ARFGAP3: variants seen among roughly 807,000 people sequenced by gnomAD.
ARFGAP3 encodes ADP-ribosylation factor GTPase-activating protein 3.
Under a neutral mutation model 75.0 loss-of-function variants are expected in ARFGAP3, and 72 were observed. The ratio of observed to expected loss-of-function variants is 0.96; its 90% confidence interval spans 0.79 to 1.17. The LOEUF (loss-of-function observed/expected upper bound fraction) is 1.17. Among genes scored for constraint, ARFGAP3 ranks in the 50% most tolerant of loss-of-function variants. The pLI, the probability that ARFGAP3 is intolerant of heterozygous loss-of-function variation, is 0.00. For synonymous variants in ARFGAP3, 221 were observed against 217.9 expected, an observed-to-expected ratio of 1.01 and a Z score of -0.13; for missense variants, 620 against 626.6, an observed-to-expected ratio of 0.99 and a Z score of 0.11.
chr22:42,826,541 A>G (rs576359471), intron 7 of ARFGAP3, among the ~76,000 whole-genome samples: 1 of 152,000 alleles, frequency 6.6e-6, no homozygotes, highest in South Asian at 2.1e-4. Context: ...CACCACACTC[A>G]GGTAATTTTT....
intron 1 of ARFGAP3, among the ~76,000 whole-genome samples, chr22:42,856,705 G>A (rs1241793743): frequency 6.6e-6 from 1 of 152,154 alleles, no homozygotes; most frequent in Non-Finnish European, 1.5e-5. Context: ...CCAGGGTGGC[G>A]CTGGGGGAGC....
At chr22:42,848,355 C>T (rs897705248) in intron 1 of ARFGAP3, among the ~76,000 whole-genome samples, 1 of 152,132 alleles carries the variant, frequency 6.6e-6, no homozygotes, top group African/African-American at 2.4e-5. Context: ...ACTACAGGCG[C>T]CCGCCACCGC....
intron 7 of ARFGAP3, among the ~76,000 whole-genome samples, chr22:42,825,023 T>C (rs1925977566): frequency 6.6e-6 from 1 of 152,254 alleles, no homozygotes; most frequent in Non-Finnish European, 1.5e-5. Context: ...TGTTCTTTTT[T>C]ACGGCTGCAT....
At chr22:42,842,952 T>A (rs943594488) in intron 2 of ARFGAP3, among the ~76,000 whole-genome samples, 1 of 152,070 alleles carries the variant, frequency 6.6e-6, no homozygotes, top group African/African-American at 2.4e-5. Context: ...GCTCTCTTGC[T>A]CGCTCCTGCC....
At chr22:42,835,568 T>A in intron 3 of ARFGAP3, 75 bp from the exon 4 acceptor site, 2 of 1,557,724 alleles carry the variant, frequency 1.3e-6, no homozygotes, top group Non-Finnish European at 1.7e-6. Flanking sequence ...ATGCCTGTAA[T>A]CCCAGCACTC....
At chr22:42,823,504 CATTAATCTCTT>C in intron 8 of ARFGAP3, 141 bp downstream of exon 8, 1 of 376,236 alleles carries the variant, frequency 2.7e-6, no homozygotes, top group Non-Finnish European at 4.9e-6. Context: ...ATCTCTTTGA[CATTAATCTCTT>C]TGAACAAAAC....
rs141543318 is a variant in ARFGAP3 at position 42,828,481 on chromosome 22, G to T, written c.566-1482C>A. Among the ~76,000 whole-genome samples the T allele has an allele frequency of 2.0e-5, 3 of 151,650 alleles. No homozygotes were observed. The East Asian group carries it at 5.9e-4, about 30-fold the overall frequency. On this transcript the variant is annotated intron_variant, in intron 6 of 15. Transcript: ENST00000263245. ...TGAGACAGGAGAATCGCTTGAACCCGGGATGCAGAGGTTGTGGTGACCTGA... is the reference window on the plus strand; with the variant it reads ...TGAGACAGGAGAATCGCTTGAACCCTGGATGCAGAGGTTGTGGTGACCTGA...
Position 42,834,258 on chromosome 22 carries a change from G to C in ARFGAP3, c.461C>G (p.Ser154Cys), listed in dbSNP as rs1368676781. 1 of 1,613,876 alleles carries C rather than the reference G, an allele frequency of 6.2e-7. No homozygotes were observed. Among genetic ancestry groups the C allele is most frequent in the Non-Finnish European group, 8.5e-7 (1 of 1,179,958 alleles). ...PPPKEEDFFA[S>C]HVSPEVSDTA... ...AATACATACCTCAGGAGAAACGTGA[G>C]AGGCAAAAAAATCTTCCTCCTTTGG... is the stretch of plus-strand genomic sequence containing the variant. Residue 154 changes from serine (S) to cysteine (C), a missense_variant, in exon 5 of 16, where the codon TCT becomes TGT. Transcript: ENST00000263245.
intron 1 of ARFGAP3, among the ~76,000 whole-genome samples, chr22:42,848,353 C>T (rs1348881233): frequency 6.6e-6 from 1 of 152,102 alleles, no homozygotes; most frequent in African/African-American, 2.4e-5. Context: ...GGACTACAGG[C>T]GCCCGCCACC....
At chr22:42,808,259 G>A (rs934033342) in intron 13 of ARFGAP3, among the ~76,000 whole-genome samples, 1 of 151,870 alleles carries the variant, frequency 6.6e-6, no homozygotes, top group African/African-American at 2.4e-5. Flanking sequence ...TTAGCCAGGT[G>A]TAGTGGTGCA....
intron 1 of ARFGAP3, among the ~76,000 whole-genome samples, chr22:42,856,706 C>A (rs1370730298): frequency 6.6e-6 from 1 of 152,168 alleles, no homozygotes; most frequent in Non-Finnish European, 1.5e-5. Context: ...CAGGGTGGCG[C>A]TGGGGGAGCC....
At chr22:42,829,461 A>T (rs1461475010) in intron 6 of ARFGAP3, among the ~76,000 whole-genome samples, 2 of 152,346 alleles carry the variant, frequency 1.3e-5, no homozygotes, top group South Asian at 2.1e-4. Context: ...TGTAAGGCTA[A>T]GAAATCAAAA....
At chr22:42,857,072 G>T in intron 1 of ARFGAP3, 42 bp downstream of exon 1, 1 of 1,481,010 alleles carries the variant, frequency 6.8e-7, no homozygotes, top group Non-Finnish European at 9.0e-7. Flanking sequence ...GCCGGTTCCC[G>T]CAGGGATGCC....
chr22:42,813,355 G>A (rs1925449774), intron 11 of ARFGAP3, among the ~76,000 whole-genome samples: 1 of 152,300 alleles, frequency 6.6e-6, no homozygotes, highest in African/African-American at 2.4e-5. Flanking sequence ...GTAGAGGCTG[G>A]ACTGCCCTGG....
intron 7 of ARFGAP3, among the ~76,000 whole-genome samples, chr22:42,824,126 TC>T (rs969721219): frequency 1.3e-5 from 2 of 148,154 alleles, no homozygotes; most frequent in Non-Finnish European, 3.0e-5. Context: ...CACTTCAGCC[TC>T]CTGAGTAGTT....
At chr22:42,802,702 C>T (rs1367096522) in intron 14 of ARFGAP3, among the ~76,000 whole-genome samples, 4 of 149,276 alleles carry the variant, frequency 2.7e-5, no homozygotes, top group Admixed American at 2.0e-4. Flanking sequence ...CCCAGGTTCA[C>T]GCCATTCTCC....
At chr22:42,806,491 G>A (rs1925129597) in intron 14 of ARFGAP3, among the ~76,000 whole-genome samples, 2 of 152,224 alleles carry the variant, frequency 1.3e-5, no homozygotes, top group Non-Finnish European at 2.9e-5. Context: ...CTCTCCACCT[G>A]CTCACTCCCA....
intron 6 of ARFGAP3, 138 bp from the exon 7 acceptor site, chr22:42,827,137 T>C (rs775738349): frequency 3.7e-6 from 5 of 1,343,418 alleles, no homozygotes; most frequent in Non-Finnish European, 4.8e-6. Context: ...AGCTGTATAT[T>C]CTATTTTAAC....
Position 42,857,230 on chromosome 22 carries a change from T to C in ARFGAP3, c.-48A>G, listed in dbSNP as rs375990640. 4.8e-5 allele frequency: 71 copies of C among 1,489,536 alleles called. No homozygotes were observed. Among genetic ancestry groups the C allele is most frequent in the East Asian group, 1.2e-4 (4 of 33,892 alleles). 92.3% of individuals were successfully genotyped at this position (1,489,536 alleles called of 1,614,324 possible). On this transcript the variant is annotated 5_prime_UTR_variant, in exon 1 of 16. Transcript: ENST00000263245. ...AGCTGGCCCAGCCAACCGGTAAGAG[T>C]CGACGAAAAGCGGCTACCGCCTCAG...
Sources: allele counts gnomAD v4.1 joint callset (sites outside exome capture counted in the v4.1 genomes callset), GRCh38; gene constraint gnomAD v4.1.1; transcripts MANE v1.5; gene names NCBI Gene and HGNC (gene_info 2026-07-23, HGNC 2026-07-21).